Variants in STK3 observed in about 807,000 individuals in gnomAD.
The protein encoded by STK3 is serine/threonine-protein kinase 3.
In STK3, 41 loss-of-function variants were observed where a neutral mutation model predicts 58.0. That is an observed-to-expected ratio of 0.71 (90% CI 0.55 to 0.92). STK3 has a LOEUF of 0.92. STK3 is among the 40% of genes least tolerant of loss of function. The pLI, the probability that STK3 is intolerant of heterozygous loss-of-function variation, is 0.00. For synonymous variants in STK3, 170 were observed against 191.0 expected (o/e 0.89, Z 0.91); for missense variants, 479 against 602.7 (o/e 0.79, Z 2.15).
At chr8:98,820,380 G>T (rs554439753) in intron 1 of STK3, among the ~76,000 whole-genome samples, 5 of 152,184 alleles carry the variant, frequency 3.3e-5, no homozygotes, top group Admixed American at 6.5e-5. Context: ...ATGCTAACCT[G>T]CCCTCCAACC....
At chr8:98,397,938 C>G (rs1817909672), downstream of STK3, among the ~76,000 whole-genome samples, 2 of 152,182 alleles carry the variant, frequency 1.3e-5, no homozygotes, top group Admixed American at 6.5e-5. Context: ...TCCTGCACAG[C>G]CTGTGGAACT....
chr8:98,755,162 A>G (rs956691716), intron 3 of STK3, among the ~76,000 whole-genome samples: 28 of 152,198 alleles, frequency 1.8e-4, no homozygotes, highest in African/African-American at 6.5e-4. Context: ...TGGCCTCACT[A>G]ACTTTAACCC....
At chr8:98,484,700 A>G (rs1232834669) in intron 10 of STK3, among the ~76,000 whole-genome samples, 1 of 152,076 alleles carries the variant, frequency 6.6e-6, no homozygotes, top group African/African-American at 2.4e-5. Flanking sequence ...CTGGAACTAG[A>G]TTTTCAATGG....
intron 6 of STK3, among the ~76,000 whole-genome samples, chr8:98,622,165 T>G (rs920087027): frequency 4.0e-5 from 6 of 151,222 alleles, no homozygotes; most frequent in African/African-American, 1.5e-4. Flanking sequence ...TTCCCAGCTA[T>G]TCGTGAGGCA....
intron 10 of STK3, among the ~76,000 whole-genome samples, chr8:98,479,497 G>GGC: frequency 1.0e-5 from 1 of 95,352 alleles, no homozygotes. Context: ...GGGGGGGGGG[G>GGC]GGGGGCGGGA....
chr8:98,461,158 C>A (rs1819940166), intron 10 of STK3, among the ~76,000 whole-genome samples: 1 of 152,132 alleles, frequency 6.6e-6, no homozygotes, highest in Admixed American at 6.6e-5. Flanking sequence ...TTTTATGAAT[C>A]TCAGAGCTCA....
At chr8:98,764,558 A>AGATGAT (rs1204077891) in intron 3 of STK3, among the ~76,000 whole-genome samples, 1 of 152,266 alleles carries the variant, frequency 6.6e-6, no homozygotes. Flanking sequence ...AAGACTAAGT[A>AGATGAT]GATGATGATG....
intron 6 of STK3, among the ~76,000 whole-genome samples, chr8:98,682,899 A>G (rs1253409684): frequency 6.6e-6 from 1 of 152,016 alleles, no homozygotes; most frequent in Non-Finnish European, 1.5e-5. Flanking sequence ...CTAGCTATTT[A>G]TGTCTCCTAA....
At chr8:98,467,303 T>C (rs1586633108) in intron 10 of STK3, among the ~76,000 whole-genome samples, 1 of 152,060 alleles carries the variant, frequency 6.6e-6, no homozygotes, top group African/African-American at 2.4e-5. Flanking sequence ...GCTACATCTC[T>C]AGTGCCTAGA....
intron 6 of STK3, among the ~76,000 whole-genome samples, chr8:98,654,437 C>T (rs1259627623): frequency 6.6e-6 from 1 of 152,052 alleles, no homozygotes; most frequent in Non-Finnish European, 1.5e-5. Context: ...ACAGGGATGC[C>T]CTCTCTCACC....
At chr8:98,360,889 A>T in the STK3 span, among the ~76,000 whole-genome samples, 1 of 152,308 alleles carries the variant, frequency 6.6e-6, no homozygotes, top group Non-Finnish European at 1.5e-5. Context: ...AATGATCCAT[A>T]AACAAATAAA....
At chr8:98,819,543 CA>C (rs1834758386) in intron 1 of STK3, among the ~76,000 whole-genome samples, 1 of 152,202 alleles carries the variant, frequency 6.6e-6, no homozygotes, top group Non-Finnish European at 1.5e-5. Flanking sequence ...GGGAAGACAG[CA>C]GATGCTTTAG....
chr8:98,472,117 G>C (rs1404769105), intron 10 of STK3, among the ~76,000 whole-genome samples: 1 of 152,052 alleles, frequency 6.6e-6, no homozygotes, highest in Non-Finnish European at 1.5e-5. Flanking sequence ...GTTTTCAGAG[G>C]CACCAAGAGT....
chr8:98,499,340 A>G (rs1823393570), intron 10 of STK3, among the ~76,000 whole-genome samples: 1 of 152,212 alleles, frequency 6.6e-6, no homozygotes, highest in Non-Finnish European at 1.5e-5. Flanking sequence ...TAAGCCACCA[A>G]GTAAGTCTGT....
intron 1 of STK3, among the ~76,000 whole-genome samples, chr8:98,788,365 G>A (rs1832599807): frequency 6.6e-6 from 1 of 151,978 alleles, no homozygotes; most frequent in Admixed American, 6.6e-5. Context: ...TTGAACCCAG[G>A]AGGCGGAAGT....
chr8:98,742,194 C>T (rs1221611493), intron 4 of STK3, among the ~76,000 whole-genome samples: 1 of 151,800 alleles, frequency 6.6e-6, no homozygotes, highest in African/African-American at 2.4e-5. Flanking sequence ...CTATTCCAAT[C>T]AATAGAAAAA....
At chr8:98,833,837 T>C (rs538309824) in intron 3 of STK3, among the ~76,000 whole-genome samples, 1 of 152,272 alleles carries the variant, frequency 6.6e-6, no homozygotes, top group East Asian at 1.9e-4. Context: ...TATAGCCCCA[T>C]CTCTGACAAA....
At chr8:98,674,675 AAATAAAAAG>A (rs1823069449) in intron 6 of STK3, among the ~76,000 whole-genome samples, 1 of 152,222 alleles carries the variant, frequency 6.6e-6, no homozygotes, top group African/African-American at 2.4e-5. Flanking sequence ...CCTTCACTTC[AAATAAAAAG>A]CTACTAGGAG....
intron 6 of STK3, among the ~76,000 whole-genome samples, chr8:98,701,194 G>C (rs767432714): frequency 7.9e-5 from 11 of 138,986 alleles, no homozygotes; most frequent in Non-Finnish European, 1.4e-4. Flanking sequence ...GGAAGGGAGG[G>C]AGGGAGGGAG....
Sources: allele counts gnomAD v4.1 joint callset (sites outside exome capture counted in the v4.1 genomes callset), GRCh38; gene constraint gnomAD v4.1.1; transcripts MANE v1.5; gene names NCBI Gene and HGNC (gene_info 2026-07-23, HGNC 2026-07-21).